The following TGDS variants were observed in gnomAD, a reference collection of about 807,000 sequenced individuals.
The protein encoded by TGDS is TDP-glucose 4,6-dehydratase, also known as UDP-D-glucose 4,6-dehydratase.
In TGDS, 47 loss-of-function variants were observed where a neutral mutation model predicts 52.3. The ratio of observed to expected loss-of-function variants is 0.90; its 90% CI spans 0.71 to 1.15. TGDS has a LOEUF of 1.15. Among genes scored for constraint, TGDS ranks in the 50% most tolerant of loss-of-function variants. The probability of loss-of-function intolerance (pLI) is 0.00; values close to 1 mark genes in which losing one functional copy is unlikely to be tolerated. For synonymous variants in TGDS, 115 were observed against 136.9 expected, an observed-to-expected ratio of 0.84 and a Z score of 1.12; for missense variants, 375 against 418.4, an observed-to-expected ratio of 0.90 and a Z score of 0.90.
Position 94,580,238 on chromosome 13 carries a change from C to T in TGDS, c.556-285G>A, listed in dbSNP as rs192074699. On this transcript the variant is annotated intron_variant, in intron 6 of 11. Coordinates refer to ENST00000261296, the MANE Select transcript of TGDS (RefSeq NM_014305.4). ...TATAAGTCTGACTGATAGCAAAACA[C>T]GGAAGAACTTTCCAGCGGATTATTT... is the stretch of plus-strand genomic sequence containing the variant. Among the ~76,000 whole-genome samples the T allele has an allele frequency of 9.2e-5, 14 of 152,276 alleles. No homozygotes were observed. In the East Asian group the frequency reaches 1.5e-3, roughly 17 times the overall value.
chr13:94,583,002 A>T, intron 5 of TGDS, 92 bp downstream of exon 5: 2 of 1,356,908 alleles, frequency 1.5e-6, no homozygotes, highest in Non-Finnish European at 1.0e-6. Context: ...AAGTGTATAT[A>T]ATTTGAGGAT....
intron 11 of TGDS, among the ~76,000 whole-genome samples, chr13:94,575,365 C>T (rs912205828): frequency 7.5e-5 from 11 of 147,210 alleles, no homozygotes; most frequent in African/African-American, 2.5e-4. Context: ...TCGTAGTTCA[C>T]TATAGGCCCA....
Position 94,590,889 on chromosome 13 carries a change from C to A in TGDS, c.277G>T (p.Asp93Tyr). The A allele has an allele frequency of 6.3e-7, 1 of 1,576,506 alleles. No individual in the cohort carries two copies. The highest frequency in any genetic ancestry group is 8.6e-7 in the Non-Finnish European group (1 of 1,168,546). ...VKLLFETEKIDIVLHFAAQTH... is the reference protein window; with the variant it reads ...VKLLFETEKIYIVLHFAAQTH... The stretch of plus-strand genomic sequence containing the variant: ...TGTGCGGCAAAATGTAGTACTATAT[C>A]TATTTTCTCTGTTTCAAAAAGCAGT... The change falls in exon 4 of 12, where the codon GAT becomes TAT. Residue 93 changes from aspartate (D) to tyrosine (Y), a missense_variant. Asp to Tyr is a radical substitution (Grantham distance 160). Transcript: ENST00000261296.
intron 4 of TGDS, among the ~76,000 whole-genome samples, chr13:94,588,964 T>A (rs1232540835): frequency 6.6e-6 from 1 of 152,182 alleles, no homozygotes; most frequent in African/African-American, 2.4e-5. Context: ...TGGGGTTATA[T>A]AAGAATTAAT....
intron 3 of TGDS, among the ~76,000 whole-genome samples, chr13:94,591,269 A>C (rs1401729825): frequency 6.6e-6 from 1 of 152,204 alleles, no homozygotes; most frequent in Non-Finnish European, 1.5e-5. Context: ...CTTTTTAAAA[A>C]ACCTTTCAGA....
intron 11 of TGDS, 41 bp from the exon 12 acceptor site, chr13:94,574,893 A>G: frequency 1.5e-6 from 2 of 1,304,072 alleles, no homozygotes; most frequent in South Asian, 1.3e-5. Context: ...AAAAGAAAAG[A>G]AAGAAAAACT....
intron 4 of TGDS, among the ~76,000 whole-genome samples, chr13:94,588,421 C>CAAAAAAAAAA (rs150186125): frequency 2.6e-4 from 15 of 58,488 alleles, no homozygotes; most frequent in African/African-American, 9.7e-4. Context: ...GACTCTGTCT[C>CAAAAAAAAAA]AAAAAAAAAA....
chr13:94,592,039 T>C (rs887842547), intron 3 of TGDS, among the ~76,000 whole-genome samples: 1 of 152,002 alleles, frequency 6.6e-6, no homozygotes, highest in Non-Finnish European at 1.5e-5. Context: ...AAAAATCACA[T>C]GTAGCTTTTT....
intron 2 of TGDS, among the ~76,000 whole-genome samples, chr13:94,592,850 A>C (rs991320595): frequency 6.6e-6 from 1 of 152,130 alleles, no homozygotes; most frequent in Non-Finnish European, 1.5e-5. Flanking sequence ...CCTTTTCATA[A>C]ATCTCTACTT....
At position 94,592,461 on chromosome 13, in the gene TGDS, C is replaced by T. The variant is rs1889235917; in HGVS notation, c.154-152G>A. 1.3e-5 allele frequency: 8 copies of T among 597,396 alleles called. No individual in the cohort carries two copies. In the East Asian group the frequency reaches 1.6e-4, roughly 12 times the overall value. 37.0% of individuals were successfully genotyped at this position (597,396 alleles called of 1,614,324 possible). ...GTGTTTGCTCCCTGTCTTTACACTACTTTTTTTTTGAGACGGAGTCTCACT... is the reference window on the plus strand; with the variant it reads ...GTGTTTGCTCCCTGTCTTTACACTATTTTTTTTTTGAGACGGAGTCTCACT... On this transcript the variant is annotated intron_variant, in intron 2 of 11. Coordinates refer to ENST00000261296, the MANE Select transcript of TGDS (RefSeq NM_014305.4).
At chr13:94,576,511 T>C (rs1888607344) in intron 10 of TGDS, 100 bp from the exon 11 acceptor site, 2 of 684,684 alleles carry the variant, frequency 2.9e-6, no homozygotes, top group Non-Finnish European at 4.3e-6. Flanking sequence ...ACAACCCAAC[T>C]TTTCTCTTTA....
chr13:94,592,935 C>T (rs1272158409), intron 2 of TGDS, among the ~76,000 whole-genome samples: 1 of 151,994 alleles, frequency 6.6e-6, no homozygotes, highest in African/African-American at 2.4e-5. Context: ...GGAGGGCGGA[C>T]CACAGGTGAA....
chr13:94,574,873 A>T, intron 11 of TGDS, 21 bp from the exon 12 acceptor site: 1 of 1,323,106 alleles, frequency 7.6e-7, no homozygotes, highest in Non-Finnish European at 1.0e-6. Flanking sequence ...AAAACAAAAG[A>T]CAAAAAAAAA....
intron 11 of TGDS, 91 bp from the exon 12 acceptor site, chr13:94,574,943 T>G: frequency 1.5e-5 from 11 of 714,086 alleles, no homozygotes; most frequent in Non-Finnish European, 2.5e-5. Flanking sequence ...TCCTGCTAGC[T>G]AAGTCTTGCC....
At chr13:94,592,746 T>C (rs567568397) in intron 2 of TGDS, among the ~76,000 whole-genome samples, 1 of 152,190 alleles carries the variant, frequency 6.6e-6, no homozygotes, top group African/African-American at 2.4e-5. Context: ...GAGCCCAGCC[T>C]GTTTTTACAC....
chr13:94,585,749 G>A (rs574812787), intron 4 of TGDS, among the ~76,000 whole-genome samples: 2 of 148,178 alleles, frequency 1.3e-5, no homozygotes, highest in South Asian at 2.1e-4. Context: ...GCAGTAAGCC[G>A]AGATCACAAC....
rs755393384 is a variant in TGDS at position 94,576,349 on chromosome 13, G to C, written c.947C>G (p.Pro316Arg). The change falls in exon 11 of 12, where the codon CCT becomes CGT. Residue 316 changes from proline to arginine, a missense_variant. Physicochemically the swap from Pro to Arg is moderately radical, Grantham distance 103. Transcript: ENST00000261296. ...TATTCCTTCTTTCCAAGGCACTTTA[G>C]GTCTCCATCCTAAGCCATGTATTTT... Reference protein sequence around the residue: ...SEKIHGLGWRPKVPWKEGIKK... With the variant: ...SEKIHGLGWRRKVPWKEGIKK... The C allele has an allele frequency of 1.9e-6, 3 of 1,605,518 alleles. No individual in the cohort carries two copies. Among genetic ancestry groups the C allele is most frequent in the South Asian group, 2.2e-5 (2 of 89,428 alleles).
chr13:94,575,271 T>C (rs1389861932), intron 11 of TGDS, among the ~76,000 whole-genome samples: 3 of 150,430 alleles, frequency 2.0e-5, no homozygotes, highest in Admixed American at 6.6e-5. Flanking sequence ...AATGAGTTGA[T>C]GTGAACTTCC....
chr13:94,575,791 G>A (rs982567430), intron 11 of TGDS, among the ~76,000 whole-genome samples: 1 of 151,830 alleles, frequency 6.6e-6, no homozygotes, highest in African/African-American at 2.4e-5. Flanking sequence ...TCTAAATACA[G>A]CTTTAACATG....
Sources: allele counts gnomAD v4.1 joint callset (sites outside exome capture counted in the v4.1 genomes callset), GRCh38; gene constraint gnomAD v4.1.1; transcripts MANE v1.5; gene names NCBI Gene and HGNC (gene_info 2026-07-23, HGNC 2026-07-21).